SFMBT2: variants seen among roughly 807,000 people sequenced by gnomAD.
The protein encoded by SFMBT2 is scm-like with four MBT domains protein 2.
A neutral mutation model predicts 110.1 loss-of-function variants in SFMBT2; 38 were observed. The ratio of observed to expected loss-of-function variants is 0.35; its 90% CI spans 0.27 to 0.45. The LOEUF (loss-of-function observed/expected upper bound fraction) is 0.45, where lower values mean the gene tolerates loss of function less well. Among genes scored for constraint, SFMBT2 ranks in the 20% least tolerant of loss-of-function variants. SFMBT2 has a pLI of 1.00. For synonymous variants in SFMBT2, 425 were observed against 425.4 expected, an observed-to-expected ratio of 1.00 and a Z score of 0.01; for missense variants, 1,011 against 1,094.9, an observed-to-expected ratio of 0.92 and a Z score of 1.08.
intron 1 of SFMBT2, among the ~76,000 whole-genome samples, chr10:7,384,221 A>AC (rs1845516003): frequency 6.7e-6 from 1 of 148,314 alleles, no homozygotes; most frequent in Non-Finnish European, 1.5e-5. Context: ...CAAAAAAAAA[A>AC]AAAAAAAAAA....
At chr10:7,169,139 T>C (rs953528918) in intron 20 of SFMBT2, among the ~76,000 whole-genome samples, 3 of 152,160 alleles carry the variant, frequency 2.0e-5, no homozygotes, top group Non-Finnish European at 2.9e-5. Flanking sequence ...ATTTTTTTTT[T>C]TTCTTCAGTA....
intron 4 of SFMBT2, among the ~76,000 whole-genome samples, chr10:7,359,801 C>G (rs1293777357): frequency 6.6e-6 from 1 of 152,164 alleles, no homozygotes; most frequent in Non-Finnish European, 1.5e-5. Context: ...ACCAAGAAAC[C>G]AACTCTACAA....
intron 15 of SFMBT2, chr10:7,189,141 G>A (rs528258566): frequency 1.7e-4 from 166 of 984,846 alleles, no homozygotes; most frequent in East Asian, 2.3e-4. Context: ...CTAATGAAAC[G>A]GAGACAATCT....
At chr10:7,175,324 G>A (rs1368877752) in intron 17 of SFMBT2, among the ~76,000 whole-genome samples, 2 of 152,230 alleles carry the variant, frequency 1.3e-5, no homozygotes, top group African/African-American at 2.4e-5. Flanking sequence ...AGAAGGGCAG[G>A]GCTCAGGGGA....
intron 16 of SFMBT2, chr10:7,176,459 G>T: frequency 1.0e-6 from 1 of 984,004 alleles, no homozygotes; most frequent in Non-Finnish European, 1.2e-6. Flanking sequence ...TGAGCGGTGC[G>T]GGATACATAC....
intron 4 of SFMBT2, among the ~76,000 whole-genome samples, chr10:7,297,649 C>T (rs1003028108): frequency 6.6e-6 from 1 of 152,116 alleles, no homozygotes; most frequent in African/African-American, 2.4e-5. Context: ...ATTTAAAAAA[C>T]TAGTTGGAGA....
chr10:7,226,304 G>A (rs79246629), intron 10 of SFMBT2, among the ~76,000 whole-genome samples: 2,442 of 152,326 alleles, frequency 0.016, 75 homozygotes, highest in African/African-American at 0.054. Context: ...TGCTGCTGAT[G>A]TGCTTCTGTA....
intron 15 of SFMBT2, among the ~76,000 whole-genome samples, chr10:7,191,340 G>A (rs1212916573): frequency 3.3e-5 from 5 of 152,200 alleles, no homozygotes; most frequent in Non-Finnish European, 5.9e-5. Flanking sequence ...GCACATGGCC[G>A]AAACGCTGGG....
intron 1 of SFMBT2, among the ~76,000 whole-genome samples, chr10:7,396,791 G>A (rs1280462324): frequency 2.6e-5 from 4 of 151,320 alleles, no homozygotes; most frequent in African/African-American, 7.3e-5. Flanking sequence ...GCAAACTATC[G>A]CAAAGGCAGA....
At chr10:7,399,789 C>T (rs1408794334) in intron 1 of SFMBT2, among the ~76,000 whole-genome samples, 1 of 152,176 alleles carries the variant, frequency 6.6e-6, no homozygotes, top group Non-Finnish European at 1.5e-5. Context: ...AGGGACTGTT[C>T]TAGAAGCTTC....
chr10:7,303,348 TA>T (rs2131885975), intron 4 of SFMBT2, among the ~76,000 whole-genome samples: 1 of 152,356 alleles, frequency 6.6e-6, no homozygotes, highest in South Asian at 2.1e-4. Flanking sequence ...CAAAAACTAT[TA>T]TGTCAGCCTT....
intron 9 of SFMBT2, among the ~76,000 whole-genome samples, chr10:7,230,070 C>T (rs1316043263): frequency 6.6e-6 from 1 of 151,862 alleles, no homozygotes; most frequent in African/African-American, 2.4e-5. Flanking sequence ...AGCAAAAAAG[C>T]AGCTGTGCTT....
chr10:7,309,186 G>A (rs1241104746), intron 4 of SFMBT2, among the ~76,000 whole-genome samples: 2 of 152,228 alleles, frequency 1.3e-5, no homozygotes, highest in African/African-American at 4.8e-5. Flanking sequence ...GAACTGCATA[G>A]AACAAAGGGC....
intron 9 of SFMBT2, among the ~76,000 whole-genome samples, chr10:7,231,361 G>A (rs1840108057): frequency 6.6e-6 from 1 of 152,208 alleles, no homozygotes; most frequent in Admixed American, 6.5e-5. Context: ...GGAGGGAAAT[G>A]AGAGAAAACT....
intron 1 of SFMBT2, among the ~76,000 whole-genome samples, chr10:7,389,468 T>C (rs1845710465): frequency 1.3e-5 from 2 of 152,126 alleles, no homozygotes; most frequent in African/African-American, 4.8e-5. Context: ...CCAAAGACAA[T>C]ACAAAAAACA....
intron 7 of SFMBT2, among the ~76,000 whole-genome samples, chr10:7,264,403 A>C (rs1436334395): frequency 2.0e-5 from 3 of 152,202 alleles, no homozygotes; most frequent in Non-Finnish European, 4.4e-5. Flanking sequence ...GCAGAAGGAC[A>C]CCAAGACACT....
At chr10:7,373,781 G>C (rs1845125995) in intron 2 of SFMBT2, among the ~76,000 whole-genome samples, 1 of 152,178 alleles carries the variant, frequency 6.6e-6, no homozygotes, top group South Asian at 2.1e-4. Flanking sequence ...CCTGCGAAGA[G>C]GAGAAGAGTG....
At chr10:7,206,258 G>GA in intron 11 of SFMBT2, 18 of 985,424 alleles carry the variant, frequency 1.8e-5, no homozygotes, top group Non-Finnish European at 2.0e-5. Flanking sequence ...AGGATTGGCT[G>GA]AAAGAGAGAA....
At chr10:7,350,857 T>C (rs954487376) in intron 4 of SFMBT2, among the ~76,000 whole-genome samples, 2 of 152,238 alleles carry the variant, frequency 1.3e-5, no homozygotes, top group African/African-American at 4.8e-5. Flanking sequence ...GAGGATTGAG[T>C]GCCATAAATC....
Sources: gnomAD v4.1 joint callset for allele counts (sites outside exome capture counted in the v4.1 genomes callset) on GRCh38, gnomAD v4.1.1 for gene constraint, MANE v1.5 for transcripts, NCBI Gene and HGNC (gene_info 2026-07-23, HGNC 2026-07-21) for gene names.